The following PLAG1 variants were observed in gnomAD, a reference collection of about 807,000 sequenced individuals.
The protein encoded by PLAG1 is PLAG1 zinc finger.
A neutral mutation model predicts 35.5 loss-of-function variants in PLAG1; 7 were observed. The ratio of observed to expected loss-of-function variants is 0.20; its 90% CI spans 0.11 to 0.37. The LOEUF (loss-of-function observed/expected upper bound fraction) is 0.37. Among genes scored for constraint, PLAG1 ranks in the 10% least tolerant of loss-of-function variants. The pLI, the probability that PLAG1 is intolerant of heterozygous loss-of-function variation, is 1.00. For missense variants in PLAG1, 454 were observed against 602.8 expected (o/e 0.75, Z 2.58); for synonymous variants, 229 against 225.4 (o/e 1.02, Z -0.14).
intron 1 of PLAG1, among the ~76,000 whole-genome samples, chr8:56,191,833 G>C (rs966420580): frequency 6.7e-6 from 1 of 148,410 alleles, no homozygotes; most frequent in African/African-American, 2.5e-5. Flanking sequence ...AACCCAGAAA[G>C]GAGGAACACA....
At chr8:56,168,621 A>T (rs1811425423) in intron 3 of PLAG1, among the ~76,000 whole-genome samples, 1 of 152,186 alleles carries the variant, frequency 6.6e-6, no homozygotes, top group Non-Finnish European at 1.5e-5. Context: ...ATTCCACTTG[A>T]CACATGTTTT....
rs34779318 is a variant in PLAG1 at position 56,163,210 on chromosome 8, CTT to C, written c.*3031_*3032del. On this transcript the variant is annotated 3_prime_UTR_variant, in exon 5 of 5. Coordinates refer to ENST00000316981, the MANE Select transcript of PLAG1 (RefSeq NM_002655.3). ...AACTACTTTTATTTAATGTTAATCC[CTT>C]TTTTTTTTTTTTTTTTTTTTTTTTA... 859 of 97,176 alleles carry C rather than the reference CTT, an allele frequency of 8.8e-3. 4 individuals carry two copies. Among genetic ancestry groups the C allele is most frequent in the African/African-American group, 0.027 (543 of 19,920 alleles). The allele number at this position is 97,176 out of a possible 1,614,324, so 6.0% of individuals were successfully genotyped here. A position where few individuals can be genotyped will look rare whatever the true frequency, so the allele number is the denominator to read the frequency against.
chr8:56,182,215 T>G (rs1811891026), intron 1 of PLAG1, among the ~76,000 whole-genome samples: 1 of 152,128 alleles, frequency 6.6e-6, no homozygotes, highest in Non-Finnish European at 1.5e-5. Context: ...ACACAGAAGA[T>G]ATGTGTTGGA....
intron 3 of PLAG1, among the ~76,000 whole-genome samples, 169 bp downstream of exon 3, chr8:56,170,922 T>G (rs1811505903): frequency 6.6e-6 from 1 of 152,242 alleles, no homozygotes; most frequent in Non-Finnish European, 1.5e-5. Flanking sequence ...TACCTTTTTA[T>G]TTTAGTATAT....
intron 2 of PLAG1, among the ~76,000 whole-genome samples, chr8:56,175,984 A>G (rs1235976560): frequency 6.6e-6 from 1 of 151,724 alleles, no homozygotes; most frequent in Non-Finnish European, 1.5e-5. Context: ...TATTTTATAG[A>G]GCAAAAATGC....
chr8:56,200,992 AAAAT>A (rs1812532032), intron 1 of PLAG1, among the ~76,000 whole-genome samples: 1 of 152,208 alleles, frequency 6.6e-6, no homozygotes, highest in Non-Finnish European at 1.5e-5. Flanking sequence ...TTTTTATTTT[AAAAT>A]AAATTTAAGG....
At chr8:56,189,435 C>A (rs546801739) in intron 1 of PLAG1, among the ~76,000 whole-genome samples, 2 of 152,262 alleles carry the variant, frequency 1.3e-5, no homozygotes, top group African/African-American at 4.8e-5. Flanking sequence ...CCCCTATCTG[C>A]ACAGAGCTCC....
At chr8:56,193,839 C>T (rs1812265708) in intron 1 of PLAG1, among the ~76,000 whole-genome samples, 1 of 151,840 alleles carries the variant, frequency 6.6e-6, no homozygotes. Flanking sequence ...CTGGCACCTG[C>T]TATTCGGTAG....
chr8:56,188,911 G>A (rs1400785942), intron 1 of PLAG1, among the ~76,000 whole-genome samples: 1 of 152,200 alleles, frequency 6.6e-6, no homozygotes, highest in African/African-American at 2.4e-5. Context: ...ATCAATCCAT[G>A]CTGGGGCAAA....
At chr8:56,172,618 G>A (rs1585782930) in intron 2 of PLAG1, among the ~76,000 whole-genome samples, 1 of 152,244 alleles carries the variant, frequency 6.6e-6, no homozygotes, top group African/African-American at 2.4e-5. Context: ...AATCTGAGAG[G>A]TGGATGTGTT....
In PLAG1 at chr8:56,161,024, C is replaced by G. The variant is rs1394644425; in HGVS notation, c.*5219G>C. 1 of 181,546 alleles carries G rather than the reference C, an allele frequency of 5.5e-6. No individual in the cohort carries two copies. The highest frequency in any genetic ancestry group is 1.2e-5 in the Non-Finnish European group (1 of 84,940). 11.2% of individuals were successfully genotyped at this position (181,546 alleles called of 1,614,324 possible). On this transcript the variant is annotated 3_prime_UTR_variant, in exon 5 of 5. Coordinates refer to ENST00000316981, the MANE Select transcript of PLAG1 (RefSeq NM_002655.3). ...TGCAGTACTATTATTTAATTAGCAG[C>G]AAATTAATATTTTAAATCTGGTATA... is the stretch of plus-strand genomic sequence containing the variant.
At chr8:56,194,861 T>C (rs750406748) in intron 1 of PLAG1, among the ~76,000 whole-genome samples, 10 of 152,088 alleles carry the variant, frequency 6.6e-5, no homozygotes, top group Admixed American at 1.3e-4. Context: ...CTCCTCTGGC[T>C]GAAGGGAAGA....
chr8:56,203,339 C>T (rs906721800), intron 1 of PLAG1, among the ~76,000 whole-genome samples: 1 of 151,976 alleles, frequency 6.6e-6, no homozygotes, highest in Non-Finnish European at 1.5e-5. Context: ...TCTAATTAAG[C>T]CTGTTACTTG....
chr8:56,206,483 G>T (rs754188972), intron 1 of PLAG1, among the ~76,000 whole-genome samples: 1 of 151,868 alleles, frequency 6.6e-6, no homozygotes, highest in Non-Finnish European at 1.5e-5. Flanking sequence ...TTTTAGGTTT[G>T]AGCATTTCAA....
intron 1 of PLAG1, among the ~76,000 whole-genome samples, chr8:56,188,863 G>T (rs1278023581): frequency 1.3e-5 from 2 of 152,190 alleles, no homozygotes; most frequent in Non-Finnish European, 2.9e-5. Flanking sequence ...GCCTTTGCTT[G>T]TTGAAATGAA....
At chr8:56,209,437 C>A (rs915704926) in intron 1 of PLAG1, 1 of 152,230 alleles carries the variant, frequency 6.6e-6, no homozygotes, top group Non-Finnish European at 1.5e-5. Flanking sequence ...GCTCTTCCAT[C>A]ACCACACCCT....
Position 56,194,624 on chromosome 8 carries a change from G to GTGTGTGTGTTTGTGTGTGTGTGGCA in PLAG1, c.-321-15136_-321-15112dup, listed in dbSNP as rs1812302029. 1.3e-5 allele frequency among the ~76,000 whole-genome samples: 2 copies of GTGTGTGTGTTTGTGTGTGTGTGGCA among 151,252 alleles called. 1 individual carries two copies. The highest frequency in any genetic ancestry group is 4.9e-5 in the African/African-American group (2 of 41,102). On this transcript the variant is annotated intron_variant, in intron 1 of 4. Coordinates refer to ENST00000316981, the MANE Select transcript of PLAG1 (RefSeq NM_002655.3). ...GTATGTGTGTTTGTGTGTGTGTGGC[G>GTGTGTGTGTTTGTGTGTGTGTGGCA]TGTGTGTGTTTGTGTGTGTGTGGCA...
rs1241599934 is a variant in PLAG1 at position 56,210,830 on chromosome 8, T to G, written c.-322+291A>C. On this transcript the variant is annotated intron_variant, in intron 1 of 4. Transcript: ENST00000316981. ...AACTTTCCAGACCCTGAATAAAGGT[T>G]TTTTTTTTTTTCCCACCGACCTCAC... 2.0e-5 allele frequency among the ~76,000 whole-genome samples: 3 copies of G among 149,734 alleles called. No individual in the cohort carries two copies. In the East Asian group the frequency reaches 5.9e-4, roughly 29 times the overall value.
intron 2 of PLAG1, among the ~76,000 whole-genome samples, chr8:56,175,109 T>C (rs771203990): frequency 1.3e-5 from 2 of 151,956 alleles, no homozygotes; most frequent in Admixed American, 6.6e-5. Context: ...TAGAACAGTA[T>C]TTTTTTTGAA....
Sources: gnomAD v4.1 joint callset for allele counts (sites outside exome capture counted in the v4.1 genomes callset) on GRCh38, gnomAD v4.1.1 for gene constraint, MANE v1.5 for transcripts, NCBI Gene and HGNC (gene_info 2026-07-23, HGNC 2026-07-21) for gene names.